The following VSNL1 variants were observed in gnomAD, a reference collection of about 807,000 sequenced individuals.
The protein encoded by VSNL1 is visinin-like protein 1.
VSNL1 carries 6 observed loss-of-function variants against 20.4 expected under a neutral mutation model. The observed-to-expected ratio is 0.29, with a 90% CI of 0.16 to 0.58. The LOEUF is 0.58. VSNL1 is among the 20% of genes least tolerant of loss of function. The pLI, the probability that VSNL1 is intolerant of heterozygous loss-of-function variation, is 0.90. For missense variants in VSNL1, 100 were observed against 234.5 expected (o/e 0.43, Z 3.75); for synonymous variants, 93 against 86.4 (o/e 1.08, Z -0.42).
At chr2:17,608,980 C>CTACA (rs1305308997) in intron 2 of VSNL1, among the ~76,000 whole-genome samples, 1 of 152,114 alleles carries the variant, frequency 6.6e-6, no homozygotes, top group East Asian at 1.9e-4. Flanking sequence ...GTCTGATTTT[C>CTACA]TACATACATA....
chr2:17,585,016 T>C (rs576670351), intron 1 of VSNL1, among the ~76,000 whole-genome samples: 1 of 152,298 alleles, frequency 6.6e-6, no homozygotes, highest in East Asian at 1.9e-4. Flanking sequence ...ACATTGCCAC[T>C]GCCACTGCTG....
intron 1 of VSNL1, among the ~76,000 whole-genome samples, chr2:17,552,136 C>T (rs932353620): frequency 1.4e-4 from 20 of 143,688 alleles, no homozygotes; most frequent in Non-Finnish European, 2.7e-4. Context: ...GGAGGCGGAG[C>T]TTGCAGTGAG....
chr2:17,562,599 A>C (rs1243017343), intron 1 of VSNL1, among the ~76,000 whole-genome samples: 2 of 152,188 alleles, frequency 1.3e-5, no homozygotes, highest in Non-Finnish European at 2.9e-5. Flanking sequence ...TTTAAAAACT[A>C]GAGTCTATCC....
chr2:17,622,878 T>A (rs1665419464), intron 2 of VSNL1, among the ~76,000 whole-genome samples: 1 of 152,220 alleles, frequency 6.6e-6, no homozygotes, highest in South Asian at 2.1e-4. Flanking sequence ...GCAAACGGCG[T>A]GAACTTCCAG....
chr2:17,597,251 A>T (rs1664732597), intron 2 of VSNL1, among the ~76,000 whole-genome samples: 1 of 152,226 alleles, frequency 6.6e-6, no homozygotes, highest in Non-Finnish European at 1.5e-5. Flanking sequence ...TCCCGCTGCC[A>T]GATAGGATGA....
At chr2:17,592,005 G>A (rs1487844621) in intron 1 of VSNL1, 65 bp from the exon 2 acceptor site, 1 of 1,593,184 alleles carries the variant, frequency 6.3e-7, no homozygotes, top group African/African-American at 1.3e-5. Context: ...CTCTAGCTTG[G>A]CTCCTAACCA....
intron 1 of VSNL1, among the ~76,000 whole-genome samples, chr2:17,582,070 G>A (rs1664362829): frequency 6.6e-6 from 1 of 152,140 alleles, no homozygotes; most frequent in Admixed American, 6.5e-5. Flanking sequence ...ATATCAGTGG[G>A]AGTTCACTAG....
chr2:17,624,432 T>C (rs899218483), intron 2 of VSNL1, among the ~76,000 whole-genome samples: 1 of 152,214 alleles, frequency 6.6e-6, no homozygotes, highest in Non-Finnish European at 1.5e-5. Flanking sequence ...GTGAAAATAT[T>C]ATGTTACATG....
intron 1 of VSNL1, among the ~76,000 whole-genome samples, chr2:17,573,252 A>C (rs1487794189): frequency 3.9e-5 from 6 of 152,202 alleles, no homozygotes; most frequent in Non-Finnish European, 1.5e-5. Context: ...TAAGAGATGA[A>C]ACTGAAGAGA....
At chr2:17,595,781 C>T (rs150642541) in intron 2 of VSNL1, among the ~76,000 whole-genome samples, 148 of 152,212 alleles carry the variant, frequency 9.7e-4, no homozygotes, top group African/African-American at 3.4e-3. Flanking sequence ...CGGGAAGGCA[C>T]AGGGAGAAGA....
intron 2 of VSNL1, among the ~76,000 whole-genome samples, chr2:17,593,307 T>C (rs1226983966): frequency 2.6e-5 from 4 of 152,058 alleles, no homozygotes; most frequent in African/African-American, 9.7e-5. Context: ...AAGTGGAAAA[T>C]AAACAGTGGT....
At chr2:17,553,040 C>G (rs62130456) in intron 1 of VSNL1, among the ~76,000 whole-genome samples, 1 of 151,588 alleles carries the variant, frequency 6.6e-6, no homozygotes, top group Non-Finnish European at 1.5e-5. Flanking sequence ...AATGTTAAGT[C>G]TCCTATAAAA....
chr2:17,629,012 A>G (rs1436363838), intron 2 of VSNL1, among the ~76,000 whole-genome samples: 1 of 152,326 alleles, frequency 6.6e-6, no homozygotes, highest in East Asian at 1.9e-4. Flanking sequence ...TGCCTTCAAC[A>G]CAGGGCTCAG....
chr2:17,586,736 G>T (rs1664483093), intron 1 of VSNL1, among the ~76,000 whole-genome samples: 1 of 152,156 alleles, frequency 6.6e-6, no homozygotes, highest in Non-Finnish European at 1.5e-5. Context: ...TATGCCATGG[G>T]TCATTATTAA....
intron 1 of VSNL1, among the ~76,000 whole-genome samples, chr2:17,584,812 T>C (rs1330049302): frequency 6.6e-6 from 1 of 152,174 alleles, no homozygotes; most frequent in Non-Finnish European, 1.5e-5. Flanking sequence ...TCGTTGAGAC[T>C]TGGTAGCTAG....
At chr2:17,564,738 T>C (rs1402472081) in intron 1 of VSNL1, among the ~76,000 whole-genome samples, 1 of 152,176 alleles carries the variant, frequency 6.6e-6, no homozygotes, top group African/African-American at 2.4e-5. Flanking sequence ...GTATAATTAT[T>C]GATGAGCAAG....
chr2:17,633,491 C>T (rs984501121), intron 2 of VSNL1, among the ~76,000 whole-genome samples: 1 of 151,670 alleles, frequency 6.6e-6, no homozygotes, highest in African/African-American at 2.4e-5. Flanking sequence ...TGCACTCCAG[C>T]CTGGGTGACA....
intron 2 of VSNL1, among the ~76,000 whole-genome samples, chr2:17,617,863 G>A (rs1210535129): frequency 1.3e-5 from 2 of 151,744 alleles, no homozygotes; most frequent in African/African-American, 4.9e-5. Flanking sequence ...GCCTTCACCT[G>A]CATACATGCA....
At chr2:17,572,557 A>G (rs1337040903) in intron 1 of VSNL1, among the ~76,000 whole-genome samples, 1 of 152,210 alleles carries the variant, frequency 6.6e-6, no homozygotes, top group African/African-American at 2.4e-5. Flanking sequence ...AAAGGGAGAC[A>G]GCCTCTTGTT....
Sources: allele counts gnomAD v4.1 joint callset (sites outside exome capture counted in the v4.1 genomes callset), GRCh38; gene constraint gnomAD v4.1.1; transcripts MANE v1.5; gene names NCBI Gene and HGNC (gene_info 2026-07-23, HGNC 2026-07-21).